ADGRG7: variants seen among roughly 807,000 people sequenced by gnomAD.
ADGRG7 encodes G-protein coupled receptor 128.
In ADGRG7, 82 loss-of-function variants were observed where a neutral mutation model predicts 88.6. The observed-to-expected ratio is 0.93, with a 90% CI of 0.77 to 1.11. ADGRG7 has a LOEUF of 1.11. Ranked by LOEUF, ADGRG7 falls within the 50% of genes most tolerant of loss-of-function variation. The probability of loss-of-function intolerance (pLI) is 0.00; values close to 1 mark genes in which losing one functional copy is unlikely to be tolerated. For synonymous variants in ADGRG7, 381 were observed against 345.2 expected (o/e 1.10, Z -1.15); for missense variants, 945 against 953.4 (o/e 0.99, Z 0.12).
intron 1 of ADGRG7, among the ~76,000 whole-genome samples, chr3:100,621,939 T>C (rs1707316421): frequency 6.6e-6 from 1 of 152,228 alleles, no homozygotes; most frequent in Non-Finnish European, 1.5e-5. Flanking sequence ...GGTTTCGAGA[T>C]GAAACTATTC....
In ADGRG7 at chr3:100,695,030, T is replaced by G. The variant is rs778971070; in HGVS notation, c.*29T>G. The G allele has an allele frequency of 1.3e-6, 2 of 1,597,286 alleles. No homozygotes were observed. The highest frequency in any genetic ancestry group is 1.7e-6 in the Non-Finnish European group (2 of 1,170,470). On this transcript the variant is annotated 3_prime_UTR_variant, in exon 16 of 16. Transcript: ENST00000273352. ...GTAAAACTTACCTGTTGTGGTCTTT[T>G]TAATCACCTCGTTTGAGTTTTATCT...
intron 10 of ADGRG7, among the ~76,000 whole-genome samples, chr3:100,648,162 T>C (rs1207706884): frequency 2.6e-5 from 4 of 152,178 alleles, no homozygotes; most frequent in Non-Finnish European, 5.9e-5. Flanking sequence ...AATGATATAG[T>C]TTACTTTATT....
At position 100,660,409 on chromosome 3, in the gene ADGRG7, A is replaced by G. The variant is rs935037416; in HGVS notation, c.1979+566A>G. Reference sequence around the variant, plus strand: ...AGCCTCGACTTCCTGGACTCAAGTTATCCTCTCCCCTCAGCCTCCAGAGTA... The same window carrying G: ...AGCCTCGACTTCCTGGACTCAAGTTGTCCTCTCCCCTCAGCCTCCAGAGTA... On this transcript the variant is annotated intron_variant, in intron 14 of 15. Transcript: ENST00000273352. Among the ~76,000 whole-genome samples, 8 of 152,252 alleles carry G rather than the reference A, an allele frequency of 5.3e-5. No individual in the cohort carries two copies. The East Asian group carries it at 1.2e-3, about 22-fold the overall frequency.
intron 14 of ADGRG7, chr3:100,665,358 C>T (rs1019544005): frequency 1.8e-5 from 10 of 540,586 alleles, no homozygotes; most frequent in Middle Eastern, 6.3e-4. Context: ...TACCACCAGG[C>T]GTTTATCCTT....
chr3:100,649,652 A>G, intron 10 of ADGRG7, 43 bp from the exon 11 acceptor site: 1 of 1,064,670 alleles, frequency 9.4e-7, no homozygotes, highest in African/African-American at 1.6e-5. Context: ...TTAACACTTC[A>G]GGGATGACTA....
chr3:100,616,133 C>T (rs1432684306), intron 1 of ADGRG7, among the ~76,000 whole-genome samples: 1 of 151,964 alleles, frequency 6.6e-6, no homozygotes, highest in Non-Finnish European at 1.5e-5. Context: ...TGATGGTGCC[C>T]CAGGATCGTA....
At chr3:100,660,930 CAACAAGAGCGAAACTCCATCTCAAAAAA>C (rs1256990428) in intron 14 of ADGRG7, among the ~76,000 whole-genome samples, 1 of 143,770 alleles carries the variant, frequency 7.0e-6, no homozygotes, top group Non-Finnish European at 1.5e-5. Context: ...CCAGCCTGGG[CAACAAGAGCGAAACTCCATCTCAAAAAA>C]AAAAAAAAAG....
At position 100,676,595 on chromosome 3, in the gene ADGRG7, T is replaced by C. The variant is rs550383053; in HGVS notation, c.2136+7490T>C. Among the ~76,000 whole-genome samples the C allele has an allele frequency of 2.0e-5, 3 of 152,248 alleles. No homozygotes were observed. The South Asian group carries it at 6.2e-4, about 32-fold the overall frequency. The stretch of plus-strand genomic sequence containing the variant: ...TCTGCAGCCATTGGATGAAATGTTC[T>C]ATAATTATCTATTAGGCCCATTTAG... On this transcript the variant is annotated intron_variant, in intron 15 of 15. Transcript: ENST00000273352.
chr3:100,679,119 G>A (rs1393681728), intron 15 of ADGRG7, among the ~76,000 whole-genome samples: 1 of 152,188 alleles, frequency 6.6e-6, no homozygotes, highest in African/African-American at 2.4e-5. Flanking sequence ...AGGAGCCTCA[G>A]GAAACTACTT....
intron 8 of ADGRG7, among the ~76,000 whole-genome samples, chr3:100,643,906 A>G (rs1003752897): frequency 2.0e-5 from 3 of 152,230 alleles, no homozygotes; most frequent in African/African-American, 7.2e-5. Context: ...TTTTCCTACA[A>G]AAATCTTGCT....
chr3:100,659,439 C>CAAAAAAAAAA (rs373835556), intron 13 of ADGRG7, among the ~76,000 whole-genome samples: 2 of 80,904 alleles, frequency 2.5e-5, no homozygotes, highest in Non-Finnish European at 4.0e-5. Context: ...GACTCAGTCT[C>CAAAAAAAAAA]AAAAAAAAAA....
intron 1 of ADGRG7, among the ~76,000 whole-genome samples, chr3:100,626,084 G>A (rs1260655458): frequency 6.6e-6 from 1 of 152,188 alleles, no homozygotes; most frequent in East Asian, 1.9e-4. Flanking sequence ...ACAAGGAAAG[G>A]TACCAGCTCC....
At chr3:100,689,097 C>A (rs2094988394) in intron 15 of ADGRG7, among the ~76,000 whole-genome samples, 1 of 152,198 alleles carries the variant, frequency 6.6e-6, no homozygotes, top group Non-Finnish European at 1.5e-5. Flanking sequence ...ATAGTTAGCT[C>A]TTCTTGTTGA....
chr3:100,664,100 GA>G (rs2094948866), intron 14 of ADGRG7, among the ~76,000 whole-genome samples: 1 of 151,980 alleles, frequency 6.6e-6, no homozygotes, highest in South Asian at 2.1e-4. Flanking sequence ...TTTAAAATAT[GA>G]AGTTGATTTT....
At chr3:100,622,483 G>A (rs899961850) in intron 1 of ADGRG7, among the ~76,000 whole-genome samples, 2 of 151,980 alleles carry the variant, frequency 1.3e-5, no homozygotes, top group African/African-American at 2.4e-5. Flanking sequence ...GCTTTAATTT[G>A]TATTTCTCTG....
chr3:100,643,584 T>C lies in ADGRG7; in HGVS notation c.897T>C (p.Leu299=), dbSNP rs761861284. ...STFIHTNVDG[L]NPDAQTELQV... is the part of the protein sequence containing the mutation. ...TTATACATACAAATGTGGATGGCCTTAACCCAGATGCACAGACTGAGCTTC... is the reference window on the plus strand; with the variant it reads ...TTATACATACAAATGTGGATGGCCTCAACCCAGATGCACAGACTGAGCTTC... Residue 299 remains leucine (L), a synonymous_variant, in exon 8 of 16, where the codon CTT becomes CTC. Coordinates refer to ENST00000273352, the MANE Select transcript of ADGRG7 (RefSeq NM_032787.3). The C allele has an allele frequency of 6.2e-7, 1 of 1,614,024 alleles. No individual in the cohort carries two copies. Among genetic ancestry groups the C allele is most frequent in the Non-Finnish European group, 8.5e-7 (1 of 1,179,924 alleles).
At position 100,659,714 on chromosome 3, in the gene ADGRG7, A is replaced by G. The variant is rs898194709; in HGVS notation, c.1850A>G (p.Asn617Ser). The G allele has an allele frequency of 6.2e-6, 10 of 1,613,960 alleles. No homozygotes were observed. The highest frequency in any genetic ancestry group is 3.3e-4 in the Middle Eastern group (2 of 6,062). The change falls in exon 14 of 16, where the codon AAT becomes AGT. Residue 617 changes from asparagine (N) to serine (S), a missense_variant. By Grantham distance (46) the Asn-to-Ser change is conservative. Coordinates refer to ENST00000273352, the MANE Select transcript of ADGRG7 (RefSeq NM_032787.3). ...TGCTGGCTGGCAATTCCAGAACCCAATGGTGTTATAAAAAGTCCGCTGTTG... is the reference window on the plus strand; with the variant it reads ...TGCTGGCTGGCAATTCCAGAACCCAGTGGTGTTATAAAAAGTCCGCTGTTG... The part of the protein sequence containing the change: ...KICWLAIPEP[N>S]GVIKSPLLWS...
At chr3:100,674,856 C>T (rs2094962985) in intron 15 of ADGRG7, among the ~76,000 whole-genome samples, 1 of 152,184 alleles carries the variant, frequency 6.6e-6, no homozygotes, top group Admixed American at 6.5e-5. Context: ...GGATTATAGG[C>T]GTGAGCCACT....
chr3:100,643,218 A>G, intron 6 of ADGRG7, 48 bp from the exon 7 acceptor site: 1 of 1,563,402 alleles, frequency 6.4e-7, no homozygotes, highest in Non-Finnish European at 8.7e-7. Flanking sequence ...CATACCTTTC[A>G]TTTTATGACA....
Sources: gnomAD v4.1 joint callset for allele counts (sites outside exome capture counted in the v4.1 genomes callset) on GRCh38, gnomAD v4.1.1 for gene constraint, MANE v1.5 for transcripts, NCBI Gene and HGNC (gene_info 2026-07-23, HGNC 2026-07-21) for gene names.